Variants in CEP350 observed in about 807,000 individuals in gnomAD.
CEP350 encodes the protein centrosomal protein 350.
In CEP350, 126 loss-of-function variants were observed where a neutral mutation model predicts 331.8. That is an observed-to-expected ratio of 0.38 (90% confidence interval 0.33 to 0.44). CEP350 has a LOEUF of 0.44. CEP350 is among the 20% of genes least tolerant of loss of function. The pLI is 1.00. For synonymous variants in CEP350, 1,200 were observed against 1,259.5 expected, an observed-to-expected ratio of 0.95 and a Z score of 1.00; for missense variants, 3,406 against 3,634.6, an observed-to-expected ratio of 0.94 and a Z score of 1.62.
At chr1:179,970,276 G>T (rs1651347717) in intron 1 of CEP350, among the ~76,000 whole-genome samples, 1 of 152,176 alleles carries the variant, frequency 6.6e-6, no homozygotes, top group Admixed American at 6.5e-5. Context: ...AAGTCACTCA[G>T]TTTTTGTAAA....
intron 25 of CEP350, among the ~76,000 whole-genome samples, chr1:180,058,011 G>T (rs954722207): frequency 6.6e-6 from 1 of 152,176 alleles, no homozygotes. Flanking sequence ...GCTCTGTGTG[G>T]ATGGTTAGAG....
rs1326732627 is a variant in CEP350, at chr1:180,033,771, AG to A, written c.3726-90del. ...ACAACTTTTTAAAGCTAATGTTGAT[AG>A]TTTTTTTATATGTTGTTCTTTTGAA... On this transcript the variant is annotated intron_variant, in intron 15 of 37. Coordinates refer to ENST00000367607, the MANE Select transcript of CEP350 (RefSeq NM_014810.5). 6 of 1,286,016 alleles carry A rather than the reference AG, an allele frequency of 4.7e-6. No homozygotes were observed. In the Admixed American group the frequency reaches 1.4e-4, roughly 31 times the overall value. The allele number at this position is 1,286,016 out of a possible 1,614,324, so 79.7% of individuals were successfully genotyped here. A position where few individuals can be genotyped will look rare whatever the true frequency, so the allele number is the denominator to read the frequency against.
intron 6 of CEP350, among the ~76,000 whole-genome samples, chr1:179,998,856 G>T (rs985227093): frequency 1.3e-5 from 2 of 151,716 alleles, no homozygotes; most frequent in Non-Finnish European, 2.9e-5. Context: ...GATAAAATTG[G>T]ATAATTTGCA....
chr1:180,046,716 T>C (rs551135165), intron 21 of CEP350, among the ~76,000 whole-genome samples: 5 of 152,360 alleles, frequency 3.3e-5, no homozygotes, highest in African/African-American at 1.2e-4. Context: ...AAAATTTTTC[T>C]ACAGTCCTCA....
At chr1:179,960,203 C>T (rs1650490582) in intron 1 of CEP350, among the ~76,000 whole-genome samples, 1 of 133,038 alleles carries the variant, frequency 7.5e-6, no homozygotes, top group Non-Finnish European at 1.6e-5. Context: ...CCCACATTCA[C>T]TCAGACTGGG....
chr1:179,997,043 T>G lies in CEP350; in HGVS notation c.886T>G (p.Ser296Ala). ...KERIRKQWEH[S>A]EETNGRGQKL... ...ACGGATTAGAAAACAGTGGGAACAC[T>G]CAGAAGAAACAAATGGCCGGGGCCA... The change falls in exon 6 of 38, where the codon TCA (serine) becomes GCA (alanine). Residue 296 changes from serine (S) to alanine (A), a missense_variant. Around this residue, in one of 5 missense-constraint regions of CEP350, gnomAD observed 1,857 missense variants for 1,909.2 expected, o/e 0.97. Transcript: ENST00000367607. The G allele has an allele frequency of 6.2e-7, 1 of 1,613,900 alleles. No individual in the cohort carries two copies. Among genetic ancestry groups the G allele is most frequent in the South Asian group, 1.1e-5 (1 of 91,068 alleles).
intron 1 of CEP350, among the ~76,000 whole-genome samples, chr1:179,956,398 T>A (rs1439594320): frequency 2.0e-5 from 3 of 152,236 alleles, no homozygotes; most frequent in Non-Finnish European, 4.4e-5. Context: ...TATGTAGAGA[T>A]GGCAAGTTGT....
chr1:180,024,854 G>A (rs1655561651), intron 14 of CEP350, among the ~76,000 whole-genome samples: 1 of 151,734 alleles, frequency 6.6e-6, no homozygotes, highest in Non-Finnish European at 1.5e-5. Flanking sequence ...TGAGACTTCT[G>A]TTCAGAGATT....
chr1:180,044,281 G>T, intron 21 of CEP350, 108 bp downstream of exon 21: 1 of 1,141,958 alleles, frequency 8.8e-7, no homozygotes. Flanking sequence ...ATAGAACAGT[G>T]TGTGCCCTTC....
chr1:180,096,259 G>C (rs1660474228), intron 36 of CEP350, 75 bp downstream of exon 36: 2 of 1,459,456 alleles, frequency 1.4e-6, no homozygotes, highest in Non-Finnish European at 9.1e-7. Flanking sequence ...TGTTGTAAAA[G>C]CAGGTGCTCT....
intron 5 of CEP350, among the ~76,000 whole-genome samples, chr1:179,992,778 A>G (rs1653187733): frequency 6.6e-6 from 1 of 152,170 alleles, no homozygotes; most frequent in South Asian, 2.1e-4. Flanking sequence ...TTTTGTTAAC[A>G]TAGCTTAAGA....
intron 1 of CEP350, among the ~76,000 whole-genome samples, chr1:179,975,305 G>A (rs770601270): frequency 1.1e-4 from 17 of 152,164 alleles, no homozygotes; most frequent in Non-Finnish European, 2.4e-4. Flanking sequence ...GTCTCCAAGT[G>A]TCCATCATGC....
intron 26 of CEP350, among the ~76,000 whole-genome samples, chr1:180,063,288 G>A (rs575522053): frequency 6.0e-5 from 9 of 151,132 alleles, no homozygotes; most frequent in Non-Finnish European, 5.9e-5. Context: ...CCTCCCAGGG[G>A]TTAGGTAATC....
Position 180,075,207 on chromosome 1 carries a change from G to T in CEP350, c.5753G>T (p.Arg1918Ile). 6.2e-7 allele frequency: 1 copy of T among 1,610,568 alleles called. No individual in the cohort carries two copies. The highest frequency in any genetic ancestry group is 1.1e-5 in the South Asian group (1 of 90,432). Residue 1918 changes from arginine to isoleucine, a missense_variant, in exon 28 of 38, where the codon AGA (arginine) becomes ATA (isoleucine). Physicochemically the swap from Arg to Ile is moderately conservative, Grantham distance 97 (BLOSUM62 -3). Coordinates refer to ENST00000367607, the MANE Select transcript of CEP350 (RefSeq NM_014810.5). ...CCTAAGAAAGAACTGGAGGACCAGA[G>T]AACAGAACAGAAAGGTAATAAATAC... ...KTPKKELEDQRTEQKEIASEE... is the reference protein window; with the variant it reads ...KTPKKELEDQITEQKEIASEE...
Position 180,036,939 on chromosome 1 carries a change from T to G in CEP350, c.3960T>G (p.Phe1320Leu). 6.4e-7 allele frequency: 1 copy of G among 1,573,710 alleles called. No homozygotes were observed. Among genetic ancestry groups the G allele is most frequent in the Non-Finnish European group, 8.6e-7 (1 of 1,162,268 alleles). ...NMAPIPGSKR[F>L]SPAGLHHRMA... ...CATGCCTTCCAGGTTCTAAGCGCTT[T>G]TCTCCTGCTGGCCTCCATCATCGTA... The change falls in exon 17 of 38, where the codon TTT becomes TTG. Residue 1320 changes from phenylalanine (F) to leucine (L), a missense_variant. Around this residue, in one of 5 missense-constraint regions of CEP350, gnomAD observed 1,857 missense variants for 1,909.2 expected, o/e 0.97. Coordinates refer to ENST00000367607, the MANE Select transcript of CEP350 (RefSeq NM_014810.5).
intron 1 of CEP350, among the ~76,000 whole-genome samples, chr1:179,979,471 A>G (rs546480069): frequency 1.3e-5 from 2 of 151,028 alleles, no homozygotes; most frequent in East Asian, 1.9e-4. Context: ...GTAGTTTGCA[A>G]ATATTTCCTC....
At chr1:180,005,053 C>T (rs2148762732) in intron 7 of CEP350, among the ~76,000 whole-genome samples, 1 of 150,522 alleles carries the variant, frequency 6.6e-6, no homozygotes, top group East Asian at 1.9e-4. Flanking sequence ...AATCCCCCTC[C>T]CTCTACTCAC....
chr1:180,043,946 ATCTATTTGTTC>A, intron 20 of CEP350, 94 bp from the exon 21 acceptor site: 1 of 974,758 alleles, frequency 1.0e-6, no homozygotes, highest in Non-Finnish European at 1.4e-6. Context: ...ATTTTATAAT[ATCTATTTGTTC>A]AAGATTTTAT....
Position 180,020,012 on chromosome 1 carries a change from T to C in CEP350, c.2238T>C (p.Ser746=). 2 of 1,613,878 alleles carry C rather than the reference T, an allele frequency of 1.2e-6. No individual in the cohort carries two copies. Among genetic ancestry groups the C allele is most frequent in the Non-Finnish European group, 1.7e-6 (2 of 1,179,800 alleles). The stretch of plus-strand genomic sequence containing the variant: ...GATTGAGCCCACAAGTTCACCATTC[T>C]CAACCACAGCCTTTTGCTGGAACAG... ...PERLSPQVHH[S]QPQPFAGTAG... The change falls in exon 12 of 38, where the codon TCT becomes TCC. Residue 746 remains serine, a synonymous_variant. Coordinates refer to ENST00000367607, the MANE Select transcript of CEP350 (RefSeq NM_014810.5).
Sources: gnomAD v4.1 joint callset for allele counts (sites outside exome capture counted in the v4.1 genomes callset) on GRCh38, gnomAD v4.1.1 for gene constraint, gnomAD v4.1.1 regional missense constraint, MANE v1.5 for transcripts, NCBI Gene and HGNC (gene_info 2026-07-23, HGNC 2026-07-21) for gene names.